The following PAX6 variants were observed in gnomAD, a reference collection of about 807,000 sequenced individuals.
PAX6 encodes paired box protein Pax-6.
Under a neutral mutation model 60.7 loss-of-function variants are expected in PAX6, and 7 were observed. The ratio of observed to expected loss-of-function variants is 0.12; its 90% CI spans 0.07 to 0.22. PAX6 has a LOEUF of 0.22. Among genes scored for constraint, PAX6 ranks in the 10% least tolerant of loss-of-function variants. The pLI is 1.00. For synonymous variants in PAX6, 208 were observed against 201.2 expected (o/e 1.03, Z -0.29); for missense variants, 355 against 555.2 (o/e 0.64, Z 3.62).
intron 2 of PAX6, 100 bp downstream of exon 2, chr11:31,810,728 G>T: frequency 2.5e-6 from 1 of 397,982 alleles, no homozygotes; most frequent in Non-Finnish European, 4.4e-6. Context: ...AGCAGTGGGG[G>T]AGGGGACCGG....
intron 8 of PAX6, among the ~76,000 whole-genome samples, chr11:31,795,273 T>A (rs188637685): frequency 1.9e-3 from 296 of 152,392 alleles, no homozygotes; most frequent in Non-Finnish European, 3.4e-3. Flanking sequence ...TAATCTTTTT[T>A]AAAAAATATT....
intron 2 of PAX6, chr11:31,809,348 C>A (rs979739446): frequency 2.6e-5 from 4 of 152,228 alleles, no homozygotes; most frequent in Admixed American, 2.6e-4. Context: ...CTGCTCCCAG[C>A]CCCTTCTAAA....
intron 4 of PAX6, chr11:31,803,650 A>G (rs1411056394): frequency 6.6e-6 from 1 of 152,476 alleles, no homozygotes; most frequent in African/African-American, 2.4e-5. Context: ...CGGCCACCGC[A>G]AGTAAGGCTT....
At chr11:31,814,486 ACT>A (rs771736944), upstream of PAX6, 3 of 151,690 alleles carry the variant, frequency 2.0e-5, no homozygotes, top group African/African-American at 4.8e-5. Flanking sequence ...ACACCTCCAA[ACT>A]CTCTCTTTCC....
At chr11:31,794,408 C>A in intron 9 of PAX6, 1 of 581,694 alleles carries the variant, frequency 1.7e-6, no homozygotes. Flanking sequence ...AGAAGAAACA[C>A]ACACACACAC....
Position 31,789,607 on chromosome 11 carries a change from C to T in PAX6, c.*327G>A, listed in dbSNP as rs1949105591. On this transcript the variant is annotated 3_prime_UTR_variant, in exon 14 of 14. Transcript: ENST00000640368. ...AAAAAAAAAACAACTTCATGACCAACACAGATCAAACATCCATCCAGTCTA... is the reference window on the plus strand; with the variant it reads ...AAAAAAAAAACAACTTCATGACCAATACAGATCAAACATCCATCCAGTCTA... The T allele has an allele frequency of 1.6e-6, 1 of 642,236 alleles. No individual in the cohort carries two copies. Among genetic ancestry groups the T allele is most frequent in the East Asian group, 2.7e-5 (1 of 36,506 alleles). 39.8% of individuals were successfully genotyped at this position (642,236 alleles called of 1,614,324 possible).
intron 8 of PAX6, 37 bp from the exon 9 acceptor site, chr11:31,794,825 G>A (rs1324476370): frequency 3.1e-6 from 5 of 1,608,614 alleles, no homozygotes; most frequent in Non-Finnish European, 4.3e-6. Flanking sequence ...GAGAAATTTG[G>A]ATTAACTTGG....
intron 10 of PAX6, 43 bp downstream of exon 10, chr11:31,793,989 T>C (rs1188064816): frequency 7.3e-7 from 1 of 1,371,590 alleles, no homozygotes; most frequent in South Asian, 1.2e-5. Flanking sequence ...GAAAGACAAA[T>C]GGTATGAATC....
chr11:31,802,455 C>A, intron 5 of PAX6: 1 of 473,544 alleles, frequency 2.1e-6, no homozygotes, highest in South Asian at 3.7e-5. Context: ...TAAAAAAATC[C>A]GCACACAATA....
chr11:31,793,882 C>T (rs45491091), intron 10 of PAX6, 80 bp from the exon 11 acceptor site: 1 of 1,510,508 alleles, frequency 6.6e-7, no homozygotes, highest in Non-Finnish European at 9.2e-7. Context: ...GCTGCCCTCC[C>T]CACGCCCATG....
chr11:31,815,714 A>C (rs1299944646), upstream of PAX6, among the ~76,000 whole-genome samples: 8 of 151,656 alleles, frequency 5.3e-5, no homozygotes, highest in Non-Finnish European at 1.0e-4. Flanking sequence ...ACAGGAGAAC[A>C]GAGGCGGCAG....
upstream of PAX6, chr11:31,814,546 T>C (rs1420303149): frequency 6.6e-6 from 1 of 152,282 alleles, no homozygotes; most frequent in Admixed American, 6.5e-5. Flanking sequence ...GGGTGAAGAC[T>C]GGCATTTTTT....
chr11:31,804,943 C>T (rs1198779592), intron 4 of PAX6: 2 of 152,378 alleles, frequency 1.3e-5, no homozygotes, highest in African/African-American at 4.8e-5. Flanking sequence ...AGAGAGAAAG[C>T]GCAGCTCCAA....
chr11:31,803,062 A>G, intron 4 of PAX6: 1 of 587,376 alleles, frequency 1.7e-6, no homozygotes. Flanking sequence ...TCGATCAAAT[A>G]AAGGACAACA....
chr11:31,794,648 T>C lies in PAX6; in HGVS notation c.706A>G (p.Ile236Val). The C allele has an allele frequency of 5.0e-6, 8 of 1,614,238 alleles. No homozygotes were observed. Among genetic ancestry groups the C allele is most frequent in the Non-Finnish European group, 5.9e-6 (7 of 1,180,040 alleles). The change falls in exon 9 of 14, where the codon ATT becomes GTT. Residue 236 changes from isoleucine to valine, a missense_variant. Transcript: ENST00000640368. ...CTATCACCTTTCTCCAGGGCCTCAA[T>C]TTGCTCTTGGGTAAAGGATGTTCTA... ...RNRTSFTQEQIEALEKEFERT... is the reference protein window; with the variant it reads ...RNRTSFTQEQVEALEKEFERT...
At chr11:31,794,926 C>T in intron 8 of PAX6, 138 bp from the exon 9 acceptor site, 1 of 777,152 alleles carries the variant, frequency 1.3e-6, no homozygotes, top group Non-Finnish European at 2.1e-6. Flanking sequence ...AACTGTCAGC[C>T]TTCTTTTAAA....
At chr11:31,799,747 G>A (rs1952930271) in intron 8 of PAX6, among the ~76,000 whole-genome samples, 1 of 152,160 alleles carries the variant, frequency 6.6e-6, no homozygotes, top group African/African-American at 2.4e-5. Context: ...TCGCAGTCCC[G>A]CGCGCCGCCC....
At position 31,801,543 on chromosome 11, in the gene PAX6, T is replaced by A; in HGVS notation, c.399+18A>T. On this transcript the variant is annotated intron_variant, in intron 7 of 13. Transcript: ENST00000640368. ...TTGGGCTTAGGGCAGGGAGGGCAGA[T>A]GTTCTCAATGAACTTACGCTTGGTA... 1 of 1,614,096 alleles carries A rather than the reference T, an allele frequency of 6.2e-7. No individual in the cohort carries two copies. Among genetic ancestry groups the A allele is most frequent in the Non-Finnish European group, 8.5e-7 (1 of 1,180,018 alleles).
intron 2 of PAX6, chr11:31,808,704 G>C (rs1039092988): frequency 2.0e-5 from 3 of 152,214 alleles, no homozygotes; most frequent in Admixed American, 1.3e-4. Flanking sequence ...GAAGCAGCTG[G>C]GAAGGTGGTA....
Sources: gnomAD v4.1 joint callset for allele counts (sites outside exome capture counted in the v4.1 genomes callset) on GRCh38, gnomAD v4.1.1 for gene constraint, MANE v1.5 for transcripts, NCBI Gene and HGNC (gene_info 2026-07-23, HGNC 2026-07-21) for gene names.